The following CDKL2 variants were observed in gnomAD, a reference collection of about 807,000 sequenced individuals.
The protein encoded by CDKL2 is cyclin dependent kinase like 2.
CDKL2 carries 64 observed loss-of-function variants against 63.9 expected under a neutral mutation model. The observed-to-expected ratio is 1.00, with a 90% CI of 0.82 to 1.23. The LOEUF (loss-of-function observed/expected upper bound fraction) is 1.23, where lower values mean the gene tolerates loss of function less well. Among genes scored for constraint, CDKL2 ranks in the 50% most tolerant of loss-of-function variants. The pLI, the probability that CDKL2 is intolerant of heterozygous loss-of-function variation, is 0.00. For missense variants in CDKL2, 656 were observed against 668.0 expected (o/e 0.98, Z 0.20); for synonymous variants, 211 against 229.2 (o/e 0.92, Z 0.72).
At position 75,625,920 on chromosome 4, in the gene CDKL2, A is replaced by G; in HGVS notation, c.69T>C (p.Asn23=). ...GSYGMVMKCR[N]KDTGRIVAIK... ...TGGCCACAATTCTTCCAGTATCTTTATTCCTACACTTCATCACCATTCCAT... is the reference window on the plus strand; with the variant it reads ...TGGCCACAATTCTTCCAGTATCTTTGTTCCTACACTTCATCACCATTCCAT... The change falls in exon 2 of 14, where the codon AAT becomes AAC. Residue 23 remains asparagine, a synonymous_variant. Transcript: ENST00000307465. The G allele has an allele frequency of 6.2e-7, 1 of 1,612,816 alleles. No homozygotes were observed. The highest frequency in any genetic ancestry group is 8.5e-7 in the Non-Finnish European group (1 of 1,179,186).
intron 10 of CDKL2, among the ~76,000 whole-genome samples, chr4:75,595,082 T>G (rs903098015): frequency 6.6e-6 from 1 of 152,168 alleles, no homozygotes; most frequent in Non-Finnish European, 1.5e-5. Context: ...ATGCTTTAAT[T>G]TGCTGATCCT....
chr4:75,597,005 T>A lies in CDKL2; in HGVS notation c.1252A>T (p.Asn418Tyr). ...ATGCTGGGAGCAACTGCAGAAAGAT[T>A]GTGTGTAAGTGGGGGAATTGCCACG... ...PSVAIPPLTH[N>Y]LSAVAPSINS... is the part of the protein sequence containing the mutation. The change falls in exon 9 of 14, where the codon AAT becomes TAT. Residue 418 changes from asparagine (N) to tyrosine (Y), a missense_variant. Physicochemically the swap from Asn to Tyr is moderately radical, Grantham distance 143. Coordinates refer to ENST00000307465, the MANE Select transcript of CDKL2 (RefSeq NM_001330724.2). The A allele has an allele frequency of 6.2e-7, 1 of 1,614,198 alleles. No individual in the cohort carries two copies. Among genetic ancestry groups the A allele is most frequent in the East Asian group, 2.2e-5 (1 of 44,880 alleles).
intron 12 of CDKL2, among the ~76,000 whole-genome samples, chr4:75,589,400 G>C (rs1036963002): frequency 6.8e-5 from 10 of 146,280 alleles, no homozygotes; most frequent in Non-Finnish European, 1.3e-4. Context: ...CGCCTCCCGG[G>C]TTCACGCCAT....
intron 4 of CDKL2, among the ~76,000 whole-genome samples, chr4:75,606,130 C>T (rs1729417048): frequency 6.6e-6 from 1 of 152,012 alleles, no homozygotes; most frequent in Non-Finnish European, 1.5e-5. Flanking sequence ...TGCCATCATA[C>T]ACTGAAAACA....
intron 1 of CDKL2, among the ~76,000 whole-genome samples, chr4:75,627,010 C>T (rs1730450341): frequency 6.6e-6 from 1 of 151,720 alleles, no homozygotes; most frequent in Non-Finnish European, 1.5e-5. Flanking sequence ...TTGAGACCAG[C>T]CTGGCCAACA....
intron 3 of CDKL2, among the ~76,000 whole-genome samples, chr4:75,609,508 G>A (rs537246378): frequency 1.7e-4 from 26 of 151,742 alleles, no homozygotes; most frequent in African/African-American, 6.0e-4. Context: ...GGGAGGCTCA[G>A]GCAGGAGAAT....
At chr4:75,590,399 G>C (rs952558713) in intron 12 of CDKL2, among the ~76,000 whole-genome samples, 2 of 152,134 alleles carry the variant, frequency 1.3e-5, no homozygotes, top group African/African-American at 4.8e-5. Context: ...CTCCTTTGTA[G>C]AGCTCTACAG....
At chr4:75,627,978 A>T (rs1333140493) in intron 1 of CDKL2, among the ~76,000 whole-genome samples, 2 of 150,954 alleles carry the variant, frequency 1.3e-5, no homozygotes, top group East Asian at 1.9e-4. Flanking sequence ...GCAGATTTTT[A>T]AAATTAAATT....
intron 12 of CDKL2, among the ~76,000 whole-genome samples, chr4:75,584,166 C>T (rs1388911285): frequency 1.3e-5 from 2 of 151,986 alleles, no homozygotes; most frequent in Admixed American, 1.3e-4. Context: ...CTTCGTGGGC[C>T]GAGTGTAATC....
chr4:75,616,335 GGAAAC>G (rs1350977983), intron 2 of CDKL2, among the ~76,000 whole-genome samples: 1 of 151,464 alleles, frequency 6.6e-6, no homozygotes, highest in African/African-American at 2.4e-5. Context: ...AGATTACCAA[GGAAAC>G]ATATCCAATA....
chr4:75,629,395 T>C (rs968290046), intron 1 of CDKL2, among the ~76,000 whole-genome samples: 1 of 152,238 alleles, frequency 6.6e-6, no homozygotes, highest in Admixed American at 6.5e-5. Context: ...ACACACCACA[T>C]TGAACACACC....
chr4:75,603,903 C>T lies in CDKL2; in HGVS notation c.709G>A (p.Gly237Arg). The T allele has an allele frequency of 6.2e-7, 1 of 1,613,514 alleles. No homozygotes were observed. The highest frequency in any genetic ancestry group is 8.5e-7 in the Non-Finnish European group (1 of 1,179,814). Residue 237 changes from glycine (G) to arginine (R), a missense_variant, in exon 6 of 14, where the codon GGA becomes AGA. By Grantham distance (125) the Gly-to-Arg change is moderately radical. Transcript: ENST00000307465. ...TCCTTGATTTCAGGCAACCTTACTCCAGCAAACACAGGATTTTTATTAAAA... is the reference window on the plus strand; with the variant it reads ...TCCTTGATTTCAGGCAACCTTACTCTAGCAAACACAGGATTTTTATTAAAA... ...ELFNKNPVFA[G>R]VRLPEIKERE...
intron 10 of CDKL2, among the ~76,000 whole-genome samples, chr4:75,594,281 C>G (rs547408659): frequency 1.3e-5 from 2 of 152,072 alleles, no homozygotes; most frequent in East Asian, 3.9e-4. Context: ...AACCCCGCCT[C>G]TACTAAAAAT....
intron 3 of CDKL2, 127 bp downstream of exon 3, chr4:75,614,128 T>A (rs1394019797): frequency 1.0e-5 from 6 of 580,986 alleles, no homozygotes; most frequent in African/African-American, 9.6e-5. Flanking sequence ...GATGCACAGA[T>A]GAAGTATTTA....
chr4:75,613,570 A>G (rs1463890889), intron 3 of CDKL2, among the ~76,000 whole-genome samples: 2 of 152,192 alleles, frequency 1.3e-5, no homozygotes, highest in East Asian at 1.9e-4. Context: ...GTGCTTTTAT[A>G]TGATACTCAA....
At chr4:75,612,431 T>C (rs1395416041) in intron 3 of CDKL2, among the ~76,000 whole-genome samples, 3 of 152,200 alleles carry the variant, frequency 2.0e-5, no homozygotes, top group African/African-American at 7.2e-5. Context: ...AGAAGCAATG[T>C]AGGCAGGACA....
intron 3 of CDKL2, among the ~76,000 whole-genome samples, chr4:75,609,481 T>C (rs1729585150): frequency 6.6e-6 from 1 of 151,734 alleles, no homozygotes; most frequent in South Asian, 2.1e-4. Flanking sequence ...GGCAGGCACC[T>C]GTAATCCCAG....
intron 6 of CDKL2, among the ~76,000 whole-genome samples, chr4:75,602,008 T>C (rs1011304349): frequency 2.6e-5 from 4 of 152,186 alleles, no homozygotes; most frequent in Non-Finnish European, 5.9e-5. Context: ...TTAGAGTTGA[T>C]TCTCACTTGA....
At chr4:75,628,287 T>C (rs963414761) in intron 1 of CDKL2, among the ~76,000 whole-genome samples, 3 of 152,196 alleles carry the variant, frequency 2.0e-5, no homozygotes, top group East Asian at 1.9e-4. Flanking sequence ...AGCTAACTTT[T>C]TGTATTTTTA....
Sources: gnomAD v4.1 joint callset for allele counts (sites outside exome capture counted in the v4.1 genomes callset) on GRCh38, gnomAD v4.1.1 for gene constraint, MANE v1.5 for transcripts, NCBI Gene and HGNC (gene_info 2026-07-23, HGNC 2026-07-21) for gene names.